IL1RAPL1: variants seen among roughly 807,000 people sequenced by gnomAD.
IL1RAPL1 encodes the protein interleukin-1 receptor accessory protein-like 1.
Under a neutral mutation model 48.4 loss-of-function variants are expected in IL1RAPL1, and 3 were observed. The observed-to-expected ratio is 0.06, with a 90% confidence interval of 0.03 to 0.16. IL1RAPL1 has a LOEUF of 0.16. Ranked by LOEUF, IL1RAPL1 falls within the 10% of genes least tolerant of loss-of-function variation. The pLI is 1.00. For missense variants in IL1RAPL1, 349 were observed against 530.6 expected, an observed-to-expected ratio of 0.66 and a Z score of 3.36; for synonymous variants, 185 against 187.7, an observed-to-expected ratio of 0.99 and a Z score of 0.12.
At chrX:29,676,751 A>C (rs1018020946) in intron 6 of IL1RAPL1, among the ~76,000 whole-genome samples, 1 of 111,513 alleles carries the variant, frequency 9.0e-6, no homozygotes, top group Non-Finnish European at 1.9e-5. Context: ...AAAACAAGAG[A>C]CCTGGAAAAT....
intron 1 of IL1RAPL1, among the ~76,000 whole-genome samples, chrX:28,721,573 T>C (rs1166137906): frequency 9.0e-6 from 1 of 111,522 alleles, no homozygotes; most frequent in Non-Finnish European, 1.9e-5. Flanking sequence ...TAGTTTCTTT[T>C]GCTGTGCAGA....
chrX:29,696,627 T>G lies in IL1RAPL1; in HGVS notation c.778+28123T>G, dbSNP rs944301295. ...TGAACACAAGACTTCAGATGACAGC[T>G]CTGATGCTCTTTCCAATATCGTTGC... On this transcript the variant is annotated intron_variant, in intron 6 of 10. Transcript: ENST00000378993. 7.1e-5 allele frequency among the ~76,000 whole-genome samples: 8 copies of G among 111,895 alleles called. No homozygotes were observed. In the East Asian group the frequency reaches 8.4e-4, roughly 12 times the overall value.
intron 5 of IL1RAPL1, among the ~76,000 whole-genome samples, chrX:29,603,037 G>A (rs772991705): frequency 6.3e-5 from 7 of 111,035 alleles, no homozygotes; most frequent in South Asian, 3.8e-4. Flanking sequence ...AGGCCGAGGC[G>A]GGTGGATCAC....
chrX:29,745,117 A>G, intron 6 of IL1RAPL1, among the ~76,000 whole-genome samples: 1 of 111,975 alleles, frequency 8.9e-6, no homozygotes, highest in Non-Finnish European at 1.9e-5. Context: ...TCTTAACAGC[A>G]TAGGGTAAGT....
intron 2 of IL1RAPL1, among the ~76,000 whole-genome samples, chrX:28,993,088 C>T (rs1358619676): frequency 9.0e-6 from 1 of 111,701 alleles, no homozygotes; most frequent in Non-Finnish European, 1.9e-5. Context: ...TGCTGTGATT[C>T]GGTAAGACCT....
intron 2 of IL1RAPL1, among the ~76,000 whole-genome samples, chrX:29,132,758 G>A (rs976582004): frequency 8.1e-5 from 9 of 111,618 alleles, no homozygotes; most frequent in Non-Finnish European, 1.5e-4. Context: ...GGAGCTCTGT[G>A]ACGTTATTCT....
chrX:29,027,922 T>TTG (rs751730303), intron 2 of IL1RAPL1, among the ~76,000 whole-genome samples: 7,054 of 104,659 alleles, frequency 0.067, 225 homozygotes, highest in East Asian at 0.11. Context: ...AGATTTCTTT[T>TTG]TGTGTGTGTG....
intron 1 of IL1RAPL1, among the ~76,000 whole-genome samples, chrX:28,616,306 A>G (rs1934217580): frequency 8.9e-6 from 1 of 112,522 alleles, no homozygotes; most frequent in Admixed American, 9.4e-5. Flanking sequence ...GTTTTCTGGT[A>G]CGTGCTTAGA....
intron 2 of IL1RAPL1, among the ~76,000 whole-genome samples, chrX:29,002,559 A>T (rs763403020): frequency 9.1e-6 from 1 of 110,427 alleles, no homozygotes; most frequent in South Asian, 3.8e-4. Flanking sequence ...AAAAAAAAAG[A>T]CTAAAGGGGA....
chrX:28,960,010 G>C (rs931949627), intron 2 of IL1RAPL1, among the ~76,000 whole-genome samples: 4 of 112,030 alleles, frequency 3.6e-5, no homozygotes, highest in Middle Eastern at 4.7e-3. Context: ...AGGTAACAAA[G>C]GAGAAAGATA....
chrX:29,208,956 T>C (rs1930720339), intron 2 of IL1RAPL1, among the ~76,000 whole-genome samples: 2 of 110,200 alleles, frequency 1.8e-5, no homozygotes, highest in East Asian at 2.9e-4. Flanking sequence ...CAATTGAGAA[T>C]GTTGAGACCC....
chrX:29,149,576 C>A (rs1929419861), intron 2 of IL1RAPL1, among the ~76,000 whole-genome samples: 1 of 111,503 alleles, frequency 9.0e-6, no homozygotes, highest in Non-Finnish European at 1.9e-5. Context: ...TTGAAAGAAA[C>A]CTGAGCAACC....
At chrX:28,911,673 A>G (rs890692835) in intron 2 of IL1RAPL1, among the ~76,000 whole-genome samples, 4 of 111,354 alleles carry the variant, frequency 3.6e-5, no homozygotes, top group African/African-American at 1.3e-4. Flanking sequence ...TCTTATTGTC[A>G]TGGAACATGA....
intron 3 of IL1RAPL1, among the ~76,000 whole-genome samples, chrX:29,322,760 C>A (rs1016775754): frequency 1.8e-5 from 2 of 111,113 alleles, no homozygotes; most frequent in African/African-American, 6.6e-5. Flanking sequence ...TTCAAAGACT[C>A]AGGTTTTACA....
intron 2 of IL1RAPL1, among the ~76,000 whole-genome samples, chrX:29,146,883 A>G (rs1202901366): frequency 8.9e-6 from 1 of 112,462 alleles, no homozygotes; most frequent in Non-Finnish European, 1.9e-5. Flanking sequence ...AGGCAAAATG[A>G]CCCACTGGAA....
chrX:29,623,288 A>G (rs1321688821), intron 5 of IL1RAPL1, among the ~76,000 whole-genome samples: 2 of 110,377 alleles, frequency 1.8e-5, no homozygotes, highest in East Asian at 5.6e-4. Flanking sequence ...TCTCAAAAAA[A>G]AAAAAAGAAA....
At chrX:28,873,519 C>G (rs372570015) in intron 2 of IL1RAPL1, among the ~76,000 whole-genome samples, 1 of 67,379 alleles carries the variant, frequency 1.5e-5, no homozygotes, top group African/African-American at 6.5e-5. Flanking sequence ...TGTTTTCTTT[C>G]TTTCTTTTTT....
intron 1 of IL1RAPL1, among the ~76,000 whole-genome samples, chrX:28,717,930 G>C (rs1275641449): frequency 9.0e-6 from 1 of 111,474 alleles, no homozygotes; most frequent in African/African-American, 3.3e-5. Flanking sequence ...TTCCTGAAAG[G>C]CTGATCTTCT....
chrX:28,921,999 C>T (rs1432918133), intron 2 of IL1RAPL1, among the ~76,000 whole-genome samples: 1 of 111,215 alleles, frequency 9.0e-6, no homozygotes, highest in Non-Finnish European at 1.9e-5. Context: ...AAAAACTTGC[C>T]TTAGTTTTAA....
Sources: gnomAD v4.1 joint callset for allele counts (sites outside exome capture counted in the v4.1 genomes callset) on GRCh38, gnomAD v4.1.1 for gene constraint, MANE v1.5 for transcripts, NCBI Gene and HGNC (gene_info 2026-07-23, HGNC 2026-07-21) for gene names.